Variants in MMAA observed in about 807,000 individuals in gnomAD.
MMAA encodes methylmalonic aciduria type A protein, mitochondrial.
Under a neutral mutation model 45.0 loss-of-function variants are expected in MMAA, and 41 were observed. The observed-to-expected ratio is 0.91, with a 90% CI of 0.71 to 1.18. The LOEUF (loss-of-function observed/expected upper bound fraction) is 1.18, where lower values mean the gene tolerates loss of function less well. Among genes scored for constraint, MMAA ranks in the 50% most tolerant of loss-of-function variants. The pLI is 0.00. For synonymous variants in MMAA, 154 were observed against 178.2 expected, an observed-to-expected ratio of 0.86 and a Z score of 1.08; for missense variants, 460 against 495.7, an observed-to-expected ratio of 0.93 and a Z score of 0.68.
chr4:145,633,991 G>C (rs750682985), intron 1 of MMAA, among the ~76,000 whole-genome samples: 54 of 152,228 alleles, frequency 3.5e-4, no homozygotes, highest in Non-Finnish European at 1.9e-4. Flanking sequence ...CACCACCACT[G>C]TAACTGTACT....
At chr4:145,627,211 A>G (rs184794584) in intron 1 of MMAA, among the ~76,000 whole-genome samples, 17 of 152,344 alleles carry the variant, frequency 1.1e-4, no homozygotes, top group Middle Eastern at 3.4e-3. Flanking sequence ...TGCTTACATT[A>G]TTATAAATGG....
chr4:145,644,998 C>CA (rs1215974603), intron 3 of MMAA, among the ~76,000 whole-genome samples: 2 of 152,052 alleles, frequency 1.3e-5, no homozygotes, highest in African/African-American at 2.4e-5. Context: ...AATATGAAAC[C>CA]AAAAAATGTG....
chr4:145,638,041 A>G (rs1275282834), intron 1 of MMAA, among the ~76,000 whole-genome samples: 1 of 152,148 alleles, frequency 6.6e-6, no homozygotes, highest in Non-Finnish European at 1.5e-5. Flanking sequence ...TTTTAATACA[A>G]TTTGAAGTAG....
chr4:145,647,107 A>G (rs1346524356), intron 4 of MMAA, among the ~76,000 whole-genome samples: 1 of 152,226 alleles, frequency 6.6e-6, no homozygotes, highest in Non-Finnish European at 1.5e-5. Flanking sequence ...TAATCCCAGA[A>G]GGAGATGGTG....
intron 1 of MMAA, among the ~76,000 whole-genome samples, chr4:145,635,243 T>G (rs1727578219): frequency 6.6e-6 from 1 of 152,126 alleles, no homozygotes; most frequent in South Asian, 2.1e-4. Context: ...CTCAGGAAAC[T>G]CAAGTTTCAA....
intron 1 of MMAA, among the ~76,000 whole-genome samples, chr4:145,621,165 C>T (rs1734081401): frequency 6.6e-6 from 1 of 152,194 alleles, no homozygotes; most frequent in Non-Finnish European, 1.5e-5. Flanking sequence ...CACCATGATC[C>T]TGATACGTAG....
chr4:145,655,663 T>C lies in MMAA; in HGVS notation c.*229T>C, dbSNP rs886059092. On this transcript the variant is annotated 3_prime_UTR_variant, in exon 7 of 7. Coordinates refer to ENST00000649156, the MANE Select transcript of MMAA (RefSeq NM_172250.3). Reference sequence around the variant, plus strand: ...TGATATCTGTTTCCTTCTCTTCTTATACCCTGGCATGGTGGCCTGTAGGGT... The same window carrying C: ...TGATATCTGTTTCCTTCTCTTCTTACACCCTGGCATGGTGGCCTGTAGGGT... 6.9e-6 allele frequency: 3 copies of C among 431,854 alleles called. No individual in the cohort carries two copies. Among genetic ancestry groups the C allele is most frequent in the East Asian group, 4.1e-5 (1 of 24,334 alleles). 26.8% of individuals were successfully genotyped at this position (431,854 alleles called of 1,614,324 possible). A position where few individuals can be genotyped will look rare whatever the true frequency, so the allele number is the denominator to read the frequency against.
At chr4:145,621,855 C>G (rs915736736) in intron 1 of MMAA, among the ~76,000 whole-genome samples, 2 of 151,908 alleles carry the variant, frequency 1.3e-5, no homozygotes, top group Admixed American at 6.6e-5. Flanking sequence ...TGCTGCTGAG[C>G]AAATTTTTAA....
chr4:145,637,217 T>A (rs570206742), intron 1 of MMAA, among the ~76,000 whole-genome samples: 1 of 152,350 alleles, frequency 6.6e-6, no homozygotes, highest in East Asian at 1.9e-4. Context: ...GATTCCAGTC[T>A]ATTGGTAGTG....
At chr4:145,641,889 G>GA (rs574526428) in intron 2 of MMAA, among the ~76,000 whole-genome samples, 3 of 152,052 alleles carry the variant, frequency 2.0e-5, no homozygotes, top group Non-Finnish European at 4.4e-5. Context: ...GTGAGATGAA[G>GA]AAAAAAGATG....
At chr4:145,651,229 A>G in intron 5 of MMAA, 82 bp downstream of exon 5, 1 of 1,169,454 alleles carries the variant, frequency 8.6e-7, no homozygotes, top group Non-Finnish European at 1.3e-6. Flanking sequence ...GTTTTTGTAA[A>G]CTAAGTTGAT....
At position 145,646,087 on chromosome 4, in the gene MMAA, A is replaced by G. The variant is rs920825350; in HGVS notation, c.664A>G (p.Arg222Gly). The G allele has an allele frequency of 3.1e-6, 5 of 1,614,162 alleles. No homozygotes were observed. The highest frequency in any genetic ancestry group is 1.7e-5 in the Admixed American group (1 of 60,024). ...TAGAGGAACTTTAGGAGGCGTGACA[A>G]GGACCACAAATGAAGCTATTCTGTT... ...PTRGTLGGVT[R>G]TTNEAILLCE... The change falls in exon 4 of 7, where the codon AGG becomes GGG. Residue 222 changes from arginine to glycine, a missense_variant. Physicochemically the swap from Arg to Gly is moderately radical, Grantham distance 125 (BLOSUM62 -2). Coordinates refer to ENST00000649156, the MANE Select transcript of MMAA (RefSeq NM_172250.3).
chr4:145,647,042 C>T (rs76139715), intron 4 of MMAA, among the ~76,000 whole-genome samples: 4,849 of 152,120 alleles, frequency 0.032, 103 homozygotes, highest in Middle Eastern at 0.078. Flanking sequence ...TCCCTGGCAG[C>T]AGAGTATAGA....
intron 1 of MMAA, among the ~76,000 whole-genome samples, chr4:145,635,390 C>G (rs958261838): frequency 6.6e-6 from 1 of 152,168 alleles, no homozygotes. Context: ...GAATTGCTAT[C>G]CCTCTCCCCA....
chr4:145,627,444 G>A (rs1214671816), intron 1 of MMAA, among the ~76,000 whole-genome samples: 1 of 152,068 alleles, frequency 6.6e-6, no homozygotes, highest in Non-Finnish European at 1.5e-5. Flanking sequence ...TAGAGTAGAT[G>A]GAGTATATAT....
At chr4:145,653,281 A>G (rs1393589727) in intron 5 of MMAA, among the ~76,000 whole-genome samples, 2 of 152,366 alleles carry the variant, frequency 1.3e-5, no homozygotes, top group African/African-American at 2.4e-5. Flanking sequence ...TTAGTATTTC[A>G]TAATTGAATG....
chr4:145,625,121 T>G lies in MMAA; in HGVS notation c.-66+5714T>G, dbSNP rs947018769. The G allele has an allele frequency of 9.8e-6, 11 of 1,124,482 alleles. No homozygotes were observed. The East Asian group carries it at 1.9e-4, about 19-fold the overall frequency. 69.7% of individuals were successfully genotyped at this position (1,124,482 alleles called of 1,614,324 possible). ...GAGAGTCACTAGCCAATCTGATAGG[T>G]TCATCTCATCTCGATCAGGAAGCTC... On this transcript the variant is annotated intron_variant, in intron 1 of 6. Coordinates refer to ENST00000649156, the MANE Select transcript of MMAA (RefSeq NM_172250.3).
chr4:145,624,573 A>G, intron 1 of MMAA: 1 of 1,222,388 alleles, frequency 8.2e-7, no homozygotes. Context: ...AGAAGGAACC[A>G]GCAATTCTAG....
rs1728162402 is a variant in MMAA at position 145,653,992 on chromosome 4, A to G, written c.820-2A>G. ...GTCATTAAATGTTTCTGATCTCTTTAGGGTATCAAAAGGGGTATAATCGAG... is the reference window on the plus strand; with the variant it reads ...GTCATTAAATGTTTCTGATCTCTTTGGGGTATCAAAAGGGGTATAATCGAG... On this transcript the variant is annotated splice_acceptor_variant, in intron 5 of 6. Transcript: ENST00000649156. LOFTEE classifies it high-confidence loss of function. 6.2e-7 allele frequency: 1 copy of G among 1,614,036 alleles called. No homozygotes were observed. Among genetic ancestry groups the G allele is most frequent in the East Asian group, 2.2e-5 (1 of 44,882 alleles).
Sources: allele counts gnomAD v4.1 joint callset (sites outside exome capture counted in the v4.1 genomes callset), GRCh38; gene constraint gnomAD v4.1.1; transcripts MANE v1.5; gene names NCBI Gene and HGNC (gene_info 2026-07-23, HGNC 2026-07-21).